Variants in ZHX3 observed in about 807,000 individuals in gnomAD.
The protein encoded by ZHX3 is zinc fingers and homeoboxes 3.
A neutral mutation model predicts 64.5 loss-of-function variants in ZHX3; 20 were observed. The observed-to-expected ratio is 0.31, with a 90% CI of 0.22 to 0.45. ZHX3 has a LOEUF of 0.45. ZHX3 is among the 20% of genes least tolerant of loss of function. ZHX3 has a pLI of 1.00. For synonymous variants in ZHX3, 423 were observed against 461.6 expected, an observed-to-expected ratio of 0.92 and a Z score of 1.07; for missense variants, 1,041 against 1,195.8, an observed-to-expected ratio of 0.87 and a Z score of 1.91.
At chr20:41,205,774 G>A (rs2038656411) in intron 2 of ZHX3, among the ~76,000 whole-genome samples, 1 of 152,218 alleles carries the variant, frequency 6.6e-6, no homozygotes, top group South Asian at 2.1e-4. Flanking sequence ...GGCCCAGCAA[G>A]CTATACATTT....
At chr20:41,197,876 G>T (rs1228101723) in intron 3 of ZHX3, among the ~76,000 whole-genome samples, 3 of 150,832 alleles carry the variant, frequency 2.0e-5, no homozygotes, top group African/African-American at 4.9e-5. Flanking sequence ...CATTAATATA[G>T]ATTTATAATT....
Position 41,184,890 on chromosome 20 carries a change from T to C in ZHX3, c.*301A>G, listed in dbSNP as rs2036386955. ...GATGTATATGTTAAAAGCTTGATTC[T>C]GTGTCTATGAATATGACTATGAACT... On this transcript the variant is annotated 3_prime_UTR_variant, in exon 4 of 4. Transcript: ENST00000683867. 2 of 1,517,674 alleles carry C rather than the reference T, an allele frequency of 1.3e-6. No individual in the cohort carries two copies. The highest frequency in any genetic ancestry group is 1.7e-4 in the Middle Eastern group (1 of 5,912). 94.0% of individuals were successfully genotyped at this position (1,517,674 alleles called of 1,614,324 possible).
At chr20:41,302,312 T>TA (rs755317413) in intron 1 of ZHX3, among the ~76,000 whole-genome samples, 4 of 152,162 alleles carry the variant, frequency 2.6e-5, no homozygotes. Context: ...CTAAAAAAGA[T>TA]AAACAGTGTC....
chr20:41,285,517 C>T (rs1480694091), intron 1 of ZHX3, among the ~76,000 whole-genome samples: 4 of 152,156 alleles, frequency 2.6e-5, no homozygotes, highest in Non-Finnish European at 5.9e-5. Context: ...ATTAAAATCT[C>T]TTTTGTTTAT....
chr20:41,314,763 A>G (rs1320156341), intron 1 of ZHX3, among the ~76,000 whole-genome samples: 2 of 152,230 alleles, frequency 1.3e-5, no homozygotes, highest in Non-Finnish European at 2.9e-5. Flanking sequence ...AGAGATTGTC[A>G]TTTTAACTCA....
intron 2 of ZHX3, among the ~76,000 whole-genome samples, chr20:41,217,948 G>A (rs2039647330): frequency 6.6e-6 from 1 of 152,142 alleles, no homozygotes; most frequent in Non-Finnish European, 1.5e-5. Context: ...TTTTCTTACA[G>A]AGGGTTCGAA....
At chr20:41,315,860 T>TTTTTG (rs917360399) in intron 1 of ZHX3, among the ~76,000 whole-genome samples, 6 of 152,160 alleles carry the variant, frequency 3.9e-5, no homozygotes, top group Admixed American at 6.5e-5. Flanking sequence ...TATGGGGTTT[T>TTTTTG]TTTTGTTTTG....
chr20:41,256,962 A>G (rs968751718), intron 2 of ZHX3, among the ~76,000 whole-genome samples: 3 of 151,982 alleles, frequency 2.0e-5, no homozygotes, highest in Admixed American at 1.3e-4. Context: ...TCCAATGCCT[A>G]TTACTCCACT....
At chr20:41,260,265 A>C (rs1463054951) in intron 2 of ZHX3, among the ~76,000 whole-genome samples, 3 of 152,200 alleles carry the variant, frequency 2.0e-5, no homozygotes, top group Non-Finnish European at 4.4e-5. Context: ...AAGACAGCTG[A>C]AATAAGGTAG....
At chr20:41,266,911 C>T (rs2042889058) in intron 2 of ZHX3, among the ~76,000 whole-genome samples, 1 of 130,760 alleles carries the variant, frequency 7.6e-6, no homozygotes, top group African/African-American at 2.9e-5. Flanking sequence ...GGAGTGCCGT[C>T]TCGGCTCACT....
intron 1 of ZHX3, among the ~76,000 whole-genome samples, chr20:41,295,565 T>C (rs566491807): frequency 1.6e-3 from 242 of 152,314 alleles, no homozygotes; most frequent in Admixed American, 4.2e-3. Flanking sequence ...AATACTTTTA[T>C]AATAAATTTA....
At chr20:41,252,544 C>T (rs1037023752) in intron 2 of ZHX3, among the ~76,000 whole-genome samples, 2 of 152,140 alleles carry the variant, frequency 1.3e-5, no homozygotes, top group Non-Finnish European at 2.9e-5. Flanking sequence ...TTTTATACTG[C>T]CAAGTAAGTC....
Position 41,204,497 on chromosome 20 carries a change from C to G in ZHX3, c.420G>C (p.Trp140Cys). 1.2e-6 allele frequency: 2 copies of G among 1,614,188 alleles called. No individual in the cohort carries two copies. Among genetic ancestry groups the G allele is most frequent in the Non-Finnish European group, 8.5e-7 (1 of 1,180,044 alleles). Reference protein sequence around the residue: ...TCHSGEASFVWNVAKPDNHVV... With the variant: ...TCHSGEASFVCNVAKPDNHVV... ...CATGATTGTCTGGCTTGGCCACGTT[C>G]CACACAAAGCTGGCTTCCCCGGAGT... The change falls in exon 3 of 4, where the codon TGG (tryptophan) becomes TGC (cysteine). Residue 140 changes from tryptophan to cysteine, a missense_variant. This residue lies in a region of ZHX3 where 358 missense variants were observed against 369.1 expected (regional missense o/e 0.97). Transcript: ENST00000683867. This position sits in a 1 kb window ranked among gnomAD's most constrained non-coding sequence, Gnocchi z 6.6.
chr20:41,184,825 AGT>A lies in ZHX3; in HGVS notation c.*364_*365del. The A allele has an allele frequency of 7.2e-7, 1 of 1,379,886 alleles. No homozygotes were observed. The allele number at this position is 1,379,886 out of a possible 1,614,324, so 85.5% of individuals were successfully genotyped here. A position where few individuals can be genotyped will look rare whatever the true frequency, so the allele number is the denominator to read the frequency against. On this transcript the variant is annotated 3_prime_UTR_variant, in exon 4 of 4. Transcript: ENST00000683867. The stretch of plus-strand genomic sequence containing the variant: ...CTAACCAAAGTTTCTACGTAATGAC[AGT>A]GTTGATAATCTGATGTTTTATTTAA...
chr20:41,315,546 A>G (rs2045265726), intron 1 of ZHX3, among the ~76,000 whole-genome samples: 1 of 151,980 alleles, frequency 6.6e-6, no homozygotes, highest in African/African-American at 2.4e-5. Context: ...GTTGTTCGGA[A>G]GAGGGTTAGC....
chr20:41,237,530 G>A (rs775646010), intron 2 of ZHX3, among the ~76,000 whole-genome samples: 25 of 152,228 alleles, frequency 1.6e-4, no homozygotes, highest in South Asian at 4.2e-4. Flanking sequence ...ACCAAACACC[G>A]CATGTTCTCA....
At position 41,203,763 on chromosome 20, in the gene ZHX3, T is replaced by C. The variant is rs764957569; in HGVS notation, c.1154A>G (p.Gln385Arg). ...MFNTVIQSVP[Q>R]PTITVLNTPL... ...GGTATTTAGAACCGTAATTGTGGGCTGAGGCACAGACTGGATGACTGTATT... is the reference window on the plus strand; with the variant it reads ...GGTATTTAGAACCGTAATTGTGGGCCGAGGCACAGACTGGATGACTGTATT... Residue 385 changes from glutamine to arginine, a missense_variant, in exon 3 of 4, where the codon CAG (glutamine) becomes CGG (arginine). By Grantham distance (43) the Gln-to-Arg change is conservative. Coordinates refer to ENST00000683867, the MANE Select transcript of ZHX3 (RefSeq NM_001384317.1). The surrounding 1 kb of genome is among the most constrained non-coding windows in gnomAD (Gnocchi z 7.1). 6.2e-7 allele frequency: 1 copy of C among 1,614,240 alleles called. No homozygotes were observed. The highest frequency in any genetic ancestry group is 1.1e-5 in the South Asian group (1 of 91,082).
intron 2 of ZHX3, among the ~76,000 whole-genome samples, chr20:41,205,752 G>A (rs970223536): frequency 6.6e-6 from 1 of 152,194 alleles, no homozygotes; most frequent in Non-Finnish European, 1.5e-5. Context: ...GGAATCCACA[G>A]AACCAGTTTG....
intron 2 of ZHX3, chr20:41,213,790 T>C (rs2039330591): frequency 6.6e-6 from 1 of 152,288 alleles, no homozygotes; most frequent in Non-Finnish European, 1.5e-5. Context: ...ATAGTCCCAA[T>C]GTCATTCAAA....
Sources: gnomAD v4.1 joint callset for allele counts (sites outside exome capture counted in the v4.1 genomes callset) on GRCh38, gnomAD v4.1.1 for gene constraint, gnomAD v4.1.1 regional missense constraint, Gnocchi (gnomAD v3.1) non-coding constraint, MANE v1.5 for transcripts, NCBI Gene and HGNC (gene_info 2026-07-23, HGNC 2026-07-21) for gene names.